Variants in PHACTR2 observed in about 807,000 individuals in gnomAD.
The protein encoded by PHACTR2 is chromosome 6 open reading frame 56.
In PHACTR2, 30 loss-of-function variants were observed where a neutral mutation model predicts 76.0. The ratio of observed to expected loss-of-function variants is 0.39; its 90% CI spans 0.30 to 0.54. The LOEUF (loss-of-function observed/expected upper bound fraction) is 0.54. Ranked by LOEUF, PHACTR2 falls within the 20% of genes least tolerant of loss-of-function variation. The pLI is 0.61. For synonymous variants in PHACTR2, 292 were observed against 292.5 expected (o/e 1.00, Z 0.02); for missense variants, 696 against 781.1 (o/e 0.89, Z 1.30).
intron 1 of PHACTR2, among the ~76,000 whole-genome samples, chr6:143,706,550 G>A (rs1347954716): frequency 6.6e-6 from 1 of 152,052 alleles, no homozygotes; most frequent in Non-Finnish European, 1.5e-5. Context: ...GAGAAACCTG[G>A]CTTCCACCAT....
At position 143,767,850 on chromosome 6, in the gene PHACTR2, T is replaced by C. The variant is rs1415052084; in HGVS notation, c.1232+2052T>C. On this transcript the variant is annotated intron_variant, in intron 6 of 12. Transcript: ENST00000440869. This position sits in a 1 kb window ranked among gnomAD's most constrained non-coding sequence, Gnocchi z 4.4. ...AAGGTTTTTGTTTTGTTTTGTTTTG[T>C]TTTTTGAGACAGAATCTTGCACTGT... Among the ~76,000 whole-genome samples the C allele has an allele frequency of 6.6e-6, 1 of 152,176 alleles. No homozygotes were observed. The highest frequency in any genetic ancestry group is 2.4e-5 in the African/African-American group (1 of 41,442).
chr6:143,732,608 T>C (rs1459334322), intron 2 of PHACTR2, among the ~76,000 whole-genome samples: 3 of 152,236 alleles, frequency 2.0e-5, no homozygotes, highest in Non-Finnish European at 4.4e-5. Context: ...TGTGTACATA[T>C]ATGTTTTCAC....
chr6:143,803,599 C>G lies in PHACTR2; in HGVS notation c.1846-3458C>G, dbSNP rs983982487. Among the ~76,000 whole-genome samples, 1 of 152,104 alleles carries G rather than the reference C, an allele frequency of 6.6e-6. No homozygotes were observed. Among genetic ancestry groups the G allele is most frequent in the South Asian group, 2.1e-4 (1 of 4,826 alleles). On this transcript the variant is annotated intron_variant, in intron 11 of 12. Coordinates refer to ENST00000440869, the MANE Select transcript of PHACTR2 (RefSeq NM_001100164.2). The surrounding 1 kb of genome is among the most constrained non-coding windows in gnomAD (Gnocchi z 4.7). The stretch of plus-strand genomic sequence containing the variant: ...ATAAAAACTGTTCTTGGAGTTGTTT[C>G]TAAATAGAACATCAAAATCATCTAT...
intron 5 of PHACTR2, among the ~76,000 whole-genome samples, chr6:143,763,310 G>C (rs1001574906): frequency 1.3e-5 from 2 of 152,096 alleles, no homozygotes; most frequent in Non-Finnish European, 2.9e-5. Context: ...AGTGAGCCAA[G>C]ATTGTGCCAC....
At chr6:143,566,018 A>G (rs905376456) in intron 1 of PHACTR2, among the ~76,000 whole-genome samples, 58 of 152,184 alleles carry the variant, frequency 3.8e-4, no homozygotes, top group Admixed American at 3.5e-3. Flanking sequence ...TTAGGTCCCA[A>G]TGAGACACAG....
intron 1 of PHACTR2, among the ~76,000 whole-genome samples, chr6:143,642,986 C>A (rs1423227089): frequency 1.3e-5 from 2 of 152,126 alleles, no homozygotes; most frequent in African/African-American, 4.8e-5. Context: ...GGAAGTTGTT[C>A]ATGAGTACTA....
At chr6:143,756,292 G>T (rs1342669965) in intron 4 of PHACTR2, among the ~76,000 whole-genome samples, 1 of 152,114 alleles carries the variant, frequency 6.6e-6, no homozygotes, top group African/African-American at 2.4e-5. Flanking sequence ...TTCTGCAGTT[G>T]GTACAGTGGT....
Position 143,539,163 on chromosome 6 carries a change from T to C in PHACTR2, c.217+1956T>C, listed in dbSNP as rs982220886. 9.2e-5 allele frequency among the ~76,000 whole-genome samples: 14 copies of C among 152,254 alleles called. No individual in the cohort carries two copies. The highest frequency in any genetic ancestry group is 1.2e-4 in the Non-Finnish European group (8 of 68,048). On this transcript the variant is annotated intron_variant, in intron 1 of 11. Coordinates refer to the PHACTR2 transcript ENST00000367584. This position sits in a 1 kb window ranked among gnomAD's most constrained non-coding sequence, Gnocchi z 4.3. ...ATGTGAGTGTGCAAAGTGTACATCA[T>C]GTGAACCATGGGCTCCAATTTATAA...
intron 2 of PHACTR2, among the ~76,000 whole-genome samples, chr6:143,723,492 A>G (rs954067276): frequency 2.0e-5 from 3 of 152,174 alleles, no homozygotes; most frequent in Non-Finnish European, 4.4e-5. Flanking sequence ...CACCTCATCA[A>G]GAGCTCCTCA....
chr6:143,564,325 C>G (rs981409437), intron 1 of PHACTR2, among the ~76,000 whole-genome samples: 3 of 149,650 alleles, frequency 2.0e-5, no homozygotes, highest in African/African-American at 7.4e-5. Context: ...AATAAGTTGG[C>G]CAGGTGCAGT....
chr6:143,655,965 G>T (rs1314669485), intron 1 of PHACTR2, among the ~76,000 whole-genome samples: 1 of 152,162 alleles, frequency 6.6e-6, no homozygotes, highest in African/African-American at 2.4e-5. Flanking sequence ...CTAGTTGATG[G>T]CAAAAATTAG....
rs1373441725 is a variant in PHACTR2, at chr6:143,730,477, A to T, written c.214+18294A>T. The stretch of plus-strand genomic sequence containing the variant: ...TCAATTTCCAGTTGTTCCTTGTATC[A>T]TGCTACCTTATTAAACTCACTTATC... On this transcript the variant is annotated intron_variant, in intron 2 of 12. Transcript: ENST00000440869. The surrounding 1 kb of genome is among the most constrained non-coding windows in gnomAD (Gnocchi z 4.8). Among the ~76,000 whole-genome samples, 1 of 152,136 alleles carries T rather than the reference A, an allele frequency of 6.6e-6. No homozygotes were observed. Among genetic ancestry groups the T allele is most frequent in the African/African-American group, 2.4e-5 (1 of 41,430 alleles).
At chr6:143,555,209 G>A (rs1562682317) in intron 1 of PHACTR2, 1 of 152,116 alleles carries the variant, frequency 6.6e-6, no homozygotes, top group Non-Finnish European at 1.5e-5. Context: ...TTTACGTCGA[G>A]CCTGCCGAGC....
At chr6:143,808,932 C>T (rs527618283) in intron 12 of PHACTR2, among the ~76,000 whole-genome samples, 1 of 152,296 alleles carries the variant, frequency 6.6e-6, no homozygotes, top group Admixed American at 6.5e-5. Flanking sequence ...CCTGTAGTTG[C>T]TCTTCTGAAG....
At chr6:143,673,536 G>A (rs1052032527), upstream of PHACTR2, among the ~76,000 whole-genome samples, 1 of 152,100 alleles carries the variant, frequency 6.6e-6, no homozygotes, top group Non-Finnish European at 1.5e-5. Flanking sequence ...TATAAAAGAT[G>A]TCTTTAAGGA....
intron 2 of PHACTR2, among the ~76,000 whole-genome samples, chr6:143,712,855 G>T (rs9496751): frequency 0.28 from 42,113 of 152,042 alleles, 6,170 homozygotes; most frequent in East Asian, 0.47. Flanking sequence ...GTAGATTTGT[G>T]AAACCTTAAA....
At chr6:143,542,090 G>A (rs1258215981) in intron 1 of PHACTR2, among the ~76,000 whole-genome samples, 1 of 152,182 alleles carries the variant, frequency 6.6e-6, no homozygotes, top group African/African-American at 2.4e-5. Flanking sequence ...TCAGGGAATA[G>A]CAAGGCCACC....
chr6:143,811,342 A>G lies in PHACTR2; in HGVS notation c.1922+4209A>G, dbSNP rs896341298. ...TTGGATAGATTTGTAGTGTACTTTTATATTTGATGGGGCATTTTTTCACCC... is the reference window on the plus strand; with the variant it reads ...TTGGATAGATTTGTAGTGTACTTTTGTATTTGATGGGGCATTTTTTCACCC... On this transcript the variant is annotated intron_variant, in intron 12 of 12. Transcript: ENST00000440869. The surrounding 1 kb of genome is among the most constrained non-coding windows in gnomAD (Gnocchi z 4.1). Among the ~76,000 whole-genome samples the G allele has an allele frequency of 6.6e-6, 1 of 152,102 alleles. No individual in the cohort carries two copies. The highest frequency in any genetic ancestry group is 6.6e-5 in the Admixed American group (1 of 15,258).
Position 143,658,904 on chromosome 6 carries a change from A to C in PHACTR2, c.13+50582A>C, listed in dbSNP as rs573939037. ...GCCGGTCAGGGTGGCATGCGCCTAT[A>C]ATCTCAGCTGCTCTGAGGCTGAGGC... On this transcript the variant is annotated intron_variant, in intron 1 of 11. Coordinates refer to the PHACTR2 transcript ENST00000305766. This position sits in a 1 kb window ranked among gnomAD's most constrained non-coding sequence, Gnocchi z 4.1. 2.0e-5 allele frequency among the ~76,000 whole-genome samples: 3 copies of C among 152,044 alleles called. No homozygotes were observed. The highest frequency in any genetic ancestry group is 4.4e-5 in the Non-Finnish European group (3 of 68,002).
Sources: gnomAD v4.1 joint callset for allele counts (sites outside exome capture counted in the v4.1 genomes callset) on GRCh38, gnomAD v4.1.1 for gene constraint, Gnocchi (gnomAD v3.1) non-coding constraint, MANE v1.5 for transcripts, NCBI Gene and HGNC (gene_info 2026-07-23, HGNC 2026-07-21) for gene names.